MCTP2: variants seen among roughly 807,000 people sequenced by gnomAD.
The protein encoded by MCTP2 is multiple C2 and transmembrane domain-containing protein 2.
Under a neutral mutation model 111.6 loss-of-function variants are expected in MCTP2, and 132 were observed. The ratio of observed to expected loss-of-function variants is 1.18; its 90% CI spans 1.03 to 1.37. The LOEUF (loss-of-function observed/expected upper bound fraction) is 1.37, where lower values mean the gene tolerates loss of function less well. MCTP2 is among the 40% of genes most tolerant of loss of function. The pLI is 0.00. For missense variants in MCTP2, 1,183 were observed against 1,067.9 expected (o/e 1.11, Z -1.50); for synonymous variants, 395 against 387.7 (o/e 1.02, Z -0.22).
At chr15:94,236,381 T>C (rs868148093) in intron 1 of MCTP2, among the ~76,000 whole-genome samples, 21 of 90,578 alleles carry the variant, frequency 2.3e-4, no homozygotes, top group African/African-American at 7.8e-4. Context: ...TTTTTTCTTT[T>C]TTTTTTTTTT....
chr15:94,247,355 A>G (rs531361476), intron 1 of MCTP2, among the ~76,000 whole-genome samples: 28 of 152,220 alleles, frequency 1.8e-4, no homozygotes, highest in Middle Eastern at 6.8e-3. Flanking sequence ...TCAGGATTGT[A>G]AAGGATTTCT....
At chr15:94,258,463 G>T (rs1334797730) in intron 1 of MCTP2, among the ~76,000 whole-genome samples, 1 of 152,200 alleles carries the variant, frequency 6.6e-6, no homozygotes, top group Non-Finnish European at 1.5e-5. Context: ...GAATGTGCCA[G>T]AGTAAGTAAA....
chr15:94,387,381 G>A (rs2080566441), intron 14 of MCTP2, among the ~76,000 whole-genome samples: 1 of 151,890 alleles, frequency 6.6e-6, no homozygotes, highest in Non-Finnish European at 1.5e-5. Flanking sequence ...TATGTATGTG[G>A]ATGTTGCCAG....
chr15:94,437,023 A>G (rs1005451131), intron 17 of MCTP2, among the ~76,000 whole-genome samples: 5 of 112,324 alleles, frequency 4.5e-5, no homozygotes, highest in Admixed American at 9.0e-5. Flanking sequence ...ATAGGAACAG[A>G]TTATATATTT....
chr15:94,381,503 G>A (rs1411216751), intron 12 of MCTP2, among the ~76,000 whole-genome samples: 2 of 152,176 alleles, frequency 1.3e-5, no homozygotes, highest in Non-Finnish European at 2.9e-5. Flanking sequence ...GAGAGCGGGA[G>A]CCACAGAACG....
chr15:94,374,274 T>C (rs998354531), intron 12 of MCTP2, among the ~76,000 whole-genome samples: 3 of 152,222 alleles, frequency 2.0e-5, no homozygotes, highest in Admixed American at 1.3e-4. Context: ...ATTGAAATGT[T>C]TTTCAGTCCA....
chr15:94,260,937 A>G (rs1262927522), intron 1 of MCTP2, among the ~76,000 whole-genome samples: 1 of 152,200 alleles, frequency 6.6e-6, no homozygotes, highest in African/African-American at 2.4e-5. Flanking sequence ...AGAAACATTT[A>G]CAACCTGTTC....
intron 1 of MCTP2, among the ~76,000 whole-genome samples, chr15:94,293,464 G>A (rs916139574): frequency 6.6e-6 from 1 of 152,150 alleles, no homozygotes; most frequent in Non-Finnish European, 1.5e-5. Context: ...AACATCACAC[G>A]TTATTAGGAA....
intron 1 of MCTP2, chr15:94,273,534 A>G: frequency 5.2e-6 from 1 of 193,798 alleles, no homozygotes; most frequent in Non-Finnish European, 1.1e-5. Flanking sequence ...ACCACAGCAA[A>G]AACTGCAAAC....
At chr15:94,247,295 C>T (rs1490845628) in intron 1 of MCTP2, among the ~76,000 whole-genome samples, 2 of 152,054 alleles carry the variant, frequency 1.3e-5, no homozygotes, top group Non-Finnish European at 2.9e-5. Context: ...CACCTGCTGC[C>T]CTTTCTTAGT....
intron 7 of MCTP2, among the ~76,000 whole-genome samples, chr15:94,344,479 G>A (rs1338169591): frequency 6.6e-6 from 1 of 152,188 alleles, no homozygotes; most frequent in Non-Finnish European, 1.5e-5. Context: ...GGAGTGATGA[G>A]AGGGTTTTGC....
chr15:94,251,358 A>G (rs1442953946), intron 1 of MCTP2, among the ~76,000 whole-genome samples: 1 of 125,266 alleles, frequency 8.0e-6, no homozygotes, highest in South Asian at 2.7e-4. Context: ...CCTAATACGC[A>G]TTTTGTTTTT....
At chr15:94,268,321 C>G (rs2073702464) in intron 1 of MCTP2, among the ~76,000 whole-genome samples, 2 of 149,956 alleles carry the variant, frequency 1.3e-5, no homozygotes, top group South Asian at 4.2e-4. Flanking sequence ...GTTGGGATTA[C>G]AGGCGCCTAC....
chr15:94,280,453 C>T (rs1461967333), intron 1 of MCTP2, among the ~76,000 whole-genome samples: 4 of 148,464 alleles, frequency 2.7e-5, no homozygotes, highest in East Asian at 2.0e-4. Context: ...TCGTGGGTAA[C>T]GTCTGCTTTG....
intron 19 of MCTP2, among the ~76,000 whole-genome samples, chr15:94,454,329 G>A (rs2152522951): frequency 6.6e-6 from 1 of 152,240 alleles, no homozygotes; most frequent in East Asian, 1.9e-4. Flanking sequence ...ACTTGGTGTT[G>A]GCTGTGATGC....
chr15:94,305,304 C>T (rs145787893), intron 2 of MCTP2, among the ~76,000 whole-genome samples: 1 of 152,242 alleles, frequency 6.6e-6, no homozygotes, highest in East Asian at 1.9e-4. Context: ...TTGTTTAAGC[C>T]ACCTAGTAAG....
intron 1 of MCTP2, among the ~76,000 whole-genome samples, chr15:94,239,184 A>G (rs889278538): frequency 1.3e-5 from 2 of 152,194 alleles, no homozygotes; most frequent in African/African-American, 4.8e-5. Flanking sequence ...AACTTGGGTA[A>G]TATATCAAAA....
intron 19 of MCTP2, among the ~76,000 whole-genome samples, chr15:94,457,129 C>G (rs1044974745): frequency 6.6e-6 from 1 of 152,130 alleles, no homozygotes; most frequent in African/African-American, 2.4e-5. Flanking sequence ...GAAAAAAGTT[C>G]TGTAAGAACT....
chr15:94,279,495 A>G (rs775096169), intron 1 of MCTP2, among the ~76,000 whole-genome samples: 2 of 151,980 alleles, frequency 1.3e-5, no homozygotes, highest in Non-Finnish European at 2.9e-5. Context: ...CTTGTTTATC[A>G]ATTCTAGGAG....
Sources: gnomAD v4.1 joint callset for allele counts (sites outside exome capture counted in the v4.1 genomes callset) on GRCh38, gnomAD v4.1.1 for gene constraint, MANE v1.5 for transcripts, NCBI Gene and HGNC (gene_info 2026-07-23, HGNC 2026-07-21) for gene names.